GPM6A: variants seen among roughly 807,000 people sequenced by gnomAD.
GPM6A encodes the protein glycoprotein M6A.
A neutral mutation model predicts 32.1 loss-of-function variants in GPM6A; 7 were observed. The observed-to-expected ratio is 0.22, with a 90% CI of 0.12 to 0.41. The LOEUF (loss-of-function observed/expected upper bound fraction) is 0.41. GPM6A is among the 10% of genes least tolerant of loss of function. GPM6A has a pLI of 1.00. For synonymous variants in GPM6A, 130 were observed against 123.4 expected (o/e 1.05, Z -0.35); for missense variants, 235 against 347.2 (o/e 0.68, Z 2.57).
At chr4:175,940,207 C>T (rs2126339537) in intron 1 of GPM6A, among the ~76,000 whole-genome samples, 1 of 152,210 alleles carries the variant, frequency 6.6e-6, no homozygotes, top group East Asian at 1.9e-4. Context: ...TGTGTATCTT[C>T]TCATGTTAGC....
chr4:175,658,066 A>C (rs540503944), intron 3 of GPM6A, among the ~76,000 whole-genome samples: 1 of 152,280 alleles, frequency 6.6e-6, no homozygotes, highest in African/African-American at 2.4e-5. Flanking sequence ...ATAGCCCAAA[A>C]CTACCTATGC....
intron 1 of GPM6A, among the ~76,000 whole-genome samples, chr4:175,803,351 T>C (rs906163667): frequency 1.3e-5 from 2 of 152,130 alleles, no homozygotes; most frequent in Admixed American, 6.5e-5. Flanking sequence ...ATATGCCATA[T>C]AGTAAGTGAC....
At chr4:175,909,511 T>G (rs1560989477) in intron 1 of GPM6A, among the ~76,000 whole-genome samples, 1 of 152,166 alleles carries the variant, frequency 6.6e-6, no homozygotes, top group African/African-American at 2.4e-5. Context: ...AACATGGAAC[T>G]GACATGATAG....
intron 1 of GPM6A, among the ~76,000 whole-genome samples, chr4:175,994,557 A>T (rs1195290243): frequency 6.6e-6 from 1 of 152,196 alleles, no homozygotes; most frequent in Non-Finnish European, 1.5e-5. Context: ...CCTTAATTTT[A>T]AAATACTTTA....
chr4:175,812,040 A>T, intron 1 of GPM6A, 151 bp downstream of exon 1: 1 of 583,650 alleles, frequency 1.7e-6, no homozygotes, highest in Non-Finnish European at 3.0e-6. Context: ...GCCAGACATT[A>T]CTGCAAGTGA....
At chr4:175,813,143 A>G (rs1171296179), upstream of GPM6A, 2 of 881,082 alleles carry the variant, frequency 2.3e-6, no homozygotes, top group African/African-American at 3.6e-5. Context: ...TGTTATGATT[A>G]TAGCCCACGA....
chr4:175,944,454 T>G (rs886250275), intron 1 of GPM6A, among the ~76,000 whole-genome samples: 3 of 152,206 alleles, frequency 2.0e-5, no homozygotes, highest in African/African-American at 7.2e-5. Context: ...AACAGAACTA[T>G]CTATAAAATG....
At chr4:175,690,388 T>C (rs1744228851) in intron 2 of GPM6A, among the ~76,000 whole-genome samples, 1 of 152,224 alleles carries the variant, frequency 6.6e-6, no homozygotes, top group Admixed American at 6.5e-5. Flanking sequence ...ATGTGTTAAT[T>C]TCCTATGACT....
chr4:175,901,525 T>G (rs1246360262), intron 1 of GPM6A, among the ~76,000 whole-genome samples: 2 of 151,826 alleles, frequency 1.3e-5, no homozygotes, highest in African/African-American at 2.4e-5. Flanking sequence ...CACCAAAGGT[T>G]AGCTAGGATA....
intron 1 of GPM6A, among the ~76,000 whole-genome samples, chr4:175,992,579 A>C (rs1741185967): frequency 1.3e-5 from 2 of 152,234 alleles, no homozygotes; most frequent in South Asian, 4.1e-4. Flanking sequence ...CCAAGGTAGC[A>C]CAGATCAATA....
Position 175,849,641 on chromosome 4 carries a change from A to ATTGCCTTTATTTTTAATAT in GPM6A, c.-22-37411_-22-37393dup, listed in dbSNP as rs1736192405. 3.9e-5 allele frequency among the ~76,000 whole-genome samples: 6 copies of ATTGCCTTTATTTTTAATAT among 152,308 alleles called. No homozygotes were observed. The East Asian group carries it at 1.2e-3, about 29-fold the overall frequency. On this transcript the variant is annotated intron_variant, in intron 1 of 7. Coordinates refer to the GPM6A transcript ENST00000280187. ...CTATACTAATAATCATTTCTTCATA[A>ATTGCCTTTATTTTTAATAT]TTGCCTTTATTTTTAATATTTGCCA...
rs182284180 is a variant in GPM6A at position 175,776,310 on chromosome 4, T to A, written c.37+35881A>T. 1.0e-3 allele frequency among the ~76,000 whole-genome samples: 158 copies of A among 152,336 alleles called. 1 individual carries two copies. Among genetic ancestry groups the A allele is most frequent in the Admixed American group, 5.0e-3 (76 of 15,302 alleles). ...TAAATTCTATGGAAAATTAGGTTAA[T>A]GTGCCTTTTTCATGTAACTGACAGT... On this transcript the variant is annotated intron_variant, in intron 1 of 6. Transcript: ENST00000393658.
chr4:175,732,216 C>A (rs1419715981), intron 1 of GPM6A, among the ~76,000 whole-genome samples: 1 of 152,040 alleles, frequency 6.6e-6, no homozygotes, highest in African/African-American at 2.4e-5. Flanking sequence ...CCGCCCGCCT[C>A]GGCCTCCCAC....
intron 1 of GPM6A, among the ~76,000 whole-genome samples, chr4:175,825,740 A>G (rs1393099746): frequency 3.3e-5 from 5 of 152,212 alleles, no homozygotes; most frequent in African/African-American, 1.2e-4. Flanking sequence ...AAAGAAGACA[A>G]TGAGCTTGAG....
At chr4:175,953,719 G>A (rs1342951684) in intron 1 of GPM6A, among the ~76,000 whole-genome samples, 1 of 151,974 alleles carries the variant, frequency 6.6e-6, no homozygotes, top group Non-Finnish European at 1.5e-5. Flanking sequence ...GACCAACATG[G>A]AGAAACCCCG....
At chr4:175,707,727 C>T (rs4690412) in intron 1 of GPM6A, among the ~76,000 whole-genome samples, 126,829 of 152,066 alleles carry the variant, frequency 0.83, 55,132 homozygotes, top group East Asian at 0.99. Context: ...AAAAGTAATG[C>T]GAAAAGGTAT....
At chr4:175,923,760 C>T (rs1046675182) in intron 1 of GPM6A, among the ~76,000 whole-genome samples, 1 of 151,994 alleles carries the variant, frequency 6.6e-6, no homozygotes, top group African/African-American at 2.4e-5. Flanking sequence ...CATCATGTTG[C>T]TCAGGCTGGT....
chr4:175,847,490 T>C (rs1344793925), intron 1 of GPM6A, among the ~76,000 whole-genome samples: 2 of 152,140 alleles, frequency 1.3e-5, no homozygotes, highest in African/African-American at 4.8e-5. Context: ...ATGCTGTGGA[T>C]GCTGCCCACC....
intron 3 of GPM6A, among the ~76,000 whole-genome samples, chr4:175,665,424 G>A (rs1246185204): frequency 6.6e-6 from 1 of 151,822 alleles, no homozygotes; most frequent in Admixed American, 6.6e-5. Context: ...ATAAAATCGA[G>A]CCAGAGATTT....
Sources: gnomAD v4.1 joint callset for allele counts (sites outside exome capture counted in the v4.1 genomes callset) on GRCh38, gnomAD v4.1.1 for gene constraint, MANE v1.5 for transcripts, NCBI Gene and HGNC (gene_info 2026-07-23, HGNC 2026-07-21) for gene names.